Variants in ZMYND11 observed in about 807,000 individuals in gnomAD.
ZMYND11 encodes zinc finger MYND-type containing 11, also known as zinc finger MYND domain-containing protein 11.
Under a neutral mutation model 84.9 loss-of-function variants are expected in ZMYND11, and 9 were observed. The observed-to-expected ratio is 0.11, with a 90% CI of 0.06 to 0.18. ZMYND11 has a LOEUF of 0.18. Ranked by LOEUF, ZMYND11 falls within the 10% of genes least tolerant of loss-of-function variation. The pLI, the probability that ZMYND11 is intolerant of heterozygous loss-of-function variation, is 1.00. For missense variants in ZMYND11, 409 were observed against 761.0 expected, an observed-to-expected ratio of 0.54 and a Z score of 5.44; for synonymous variants, 250 against 244.1, an observed-to-expected ratio of 1.02 and a Z score of -0.23.
intron 4 of ZMYND11, among the ~76,000 whole-genome samples, chr10:222,588 G>T (rs1485213770): frequency 6.6e-6 from 1 of 152,000 alleles, no homozygotes; most frequent in Non-Finnish European, 1.5e-5. Context: ...CAAAGGAGCT[G>T]TATTAATATT....
intron 2 of ZMYND11, among the ~76,000 whole-genome samples, chr10:185,073 A>C (rs1483590314): frequency 6.6e-6 from 1 of 152,186 alleles, no homozygotes; most frequent in Non-Finnish European, 1.5e-5. Context: ...TAGCTCCTTA[A>C]GAATTTACCA....
intron 4 of ZMYND11, among the ~76,000 whole-genome samples, chr10:226,624 A>G (rs920596507): frequency 6.6e-6 from 1 of 152,190 alleles, no homozygotes; most frequent in African/African-American, 2.4e-5. Context: ...TAAATTTTGT[A>G]TGATGTGCTT....
At chr10:213,786 C>T (rs1010509839) in intron 3 of ZMYND11, among the ~76,000 whole-genome samples, 1 of 152,124 alleles carries the variant, frequency 6.6e-6, no homozygotes, top group African/African-American at 2.4e-5. Flanking sequence ...GTGCAGTTTT[C>T]TCTATGCTGC....
intron 2 of ZMYND11, among the ~76,000 whole-genome samples, chr10:208,739 G>A (rs536415146): frequency 3.3e-5 from 5 of 152,244 alleles, no homozygotes; most frequent in East Asian, 3.9e-4. Context: ...AGAACAGAAC[G>A]TTAGCCCTGA....
chr10:238,874 C>G (rs970340959), intron 6 of ZMYND11, among the ~76,000 whole-genome samples: 2 of 152,334 alleles, frequency 1.3e-5, no homozygotes, highest in Middle Eastern at 3.4e-3. Flanking sequence ...ACTGCCTTTA[C>G]TCATGCAGGT....
At chr10:180,744 T>C (rs1458807099) in intron 2 of ZMYND11, among the ~76,000 whole-genome samples, 1 of 152,218 alleles carries the variant, frequency 6.6e-6, no homozygotes, top group Admixed American at 6.5e-5. Context: ...CACTTTTATG[T>C]AGCGAAGCTA....
intron 1 of ZMYND11, among the ~76,000 whole-genome samples, chr10:142,365 A>G (rs540443980): frequency 5.3e-4 from 80 of 152,320 alleles, no homozygotes; most frequent in Non-Finnish European, 1.0e-3. Context: ...TGTTAAGATT[A>G]GAGGTGTGAC....
chr10:158,720 C>G lies in ZMYND11; in HGVS notation c.-19-21274C>G, dbSNP rs542868799. On this transcript the variant is annotated intron_variant, in intron 1 of 14. Transcript: ENST00000381604. The stretch of plus-strand genomic sequence containing the variant: ...ACAGGCGTGAGCCACTGCACCCAGC[C>G]TATTGTATGATTTCTTGATTGAAGC... 1.8e-4 allele frequency among the ~76,000 whole-genome samples: 27 copies of G among 151,960 alleles called. No homozygotes were observed. The South Asian group carries it at 5.6e-3, about 32-fold the overall frequency.
At chr10:182,721 C>T (rs758629415) in intron 2 of ZMYND11, among the ~76,000 whole-genome samples, 6 of 152,198 alleles carry the variant, frequency 3.9e-5, no homozygotes, top group Non-Finnish European at 8.8e-5. Flanking sequence ...TTGCCTAACC[C>T]GGCCAGTGCC....
chr10:207,108 G>A (rs1434978102), intron 2 of ZMYND11, among the ~76,000 whole-genome samples: 3 of 151,982 alleles, frequency 2.0e-5, no homozygotes, highest in African/African-American at 7.3e-5. Context: ...TTGTCCTTGC[G>A]ATAGTTTACT....
At chr10:218,365 C>T (rs1368269101) in intron 3 of ZMYND11, 1 of 185,820 alleles carries the variant, frequency 5.4e-6, no homozygotes, top group Non-Finnish European at 1.3e-5. Context: ...CAGTTTGGCC[C>T]TGTGTGAAAT....
At chr10:211,662 C>A (rs980756898) in intron 3 of ZMYND11, among the ~76,000 whole-genome samples, 1 of 152,174 alleles carries the variant, frequency 6.6e-6, no homozygotes, top group Non-Finnish European at 1.5e-5. Context: ...AAAGAACATT[C>A]ACATTTTCCA....
chr10:135,376 G>T (rs1286480689), upstream of ZMYND11: 3 of 151,512 alleles, frequency 2.0e-5, no homozygotes, highest in South Asian at 2.0e-4. The surrounding 1 kb of genome is among the most constrained non-coding windows in gnomAD (Gnocchi z 5.6). Flanking sequence ...GTCCGGGCGG[G>T]GGGGAGCCGG....
intron 2 of ZMYND11, among the ~76,000 whole-genome samples, chr10:207,200 G>A (rs1228357973): frequency 6.6e-6 from 1 of 152,132 alleles, no homozygotes; most frequent in Non-Finnish European, 1.5e-5. Context: ...AGTATTCCAT[G>A]GTGTATATGT....
At chr10:178,059 A>G (rs1478767460) in intron 1 of ZMYND11, among the ~76,000 whole-genome samples, 2 of 152,190 alleles carry the variant, frequency 1.3e-5, no homozygotes, top group Middle Eastern at 3.2e-3. Context: ...ACATTTTCCT[A>G]CATATTTACC....
chr10:193,823 A>C (rs564845337), intron 2 of ZMYND11, among the ~76,000 whole-genome samples: 2 of 152,314 alleles, frequency 1.3e-5, no homozygotes, highest in East Asian at 1.9e-4. Context: ...TTGAATGGAA[A>C]CATATTATTT....
chr10:251,650 G>C (rs896900015), intron 14 of ZMYND11, among the ~76,000 whole-genome samples: 28 of 152,272 alleles, frequency 1.8e-4, no homozygotes, highest in African/African-American at 6.5e-4. Flanking sequence ...CACCAACCCA[G>C]CTTGGAACTT....
intron 14 of ZMYND11, among the ~76,000 whole-genome samples, chr10:250,886 G>C (rs1564471758): frequency 6.6e-6 from 1 of 152,098 alleles, no homozygotes; most frequent in Non-Finnish European, 1.5e-5. Context: ...AGCCGGGCGT[G>C]GTGGTGTGTG....
At chr10:141,693 T>G (rs919104604) in intron 1 of ZMYND11, among the ~76,000 whole-genome samples, 23 of 152,228 alleles carry the variant, frequency 1.5e-4, no homozygotes, top group African/African-American at 5.3e-4. Context: ...AAACATATAT[T>G]GTGTTCTCCA....
Sources: allele counts gnomAD v4.1 joint callset (sites outside exome capture counted in the v4.1 genomes callset), GRCh38; gene constraint gnomAD v4.1.1; non-coding constraint Gnocchi (gnomAD v3.1); transcripts MANE v1.5; gene names NCBI Gene and HGNC (gene_info 2026-07-23, HGNC 2026-07-21).